The following GABRG3 variants were observed in gnomAD, a reference collection of about 807,000 sequenced individuals.
GABRG3 encodes the protein gamma-aminobutyric acid receptor subunit gamma-3.
In GABRG3, 25 loss-of-function variants were observed where a neutral mutation model predicts 48.8. The observed-to-expected ratio is 0.51, with a 90% CI of 0.37 to 0.72. The LOEUF is 0.72. GABRG3 is among the 30% of genes least tolerant of loss of function. The pLI is 0.00. For missense variants in GABRG3, 394 were observed against 577.9 expected (o/e 0.68, Z 3.26); for synonymous variants, 227 against 217.6 (o/e 1.04, Z -0.38).
chr15:27,348,154 T>TAAAAAAAAAAAAAAAA (rs1263629016), intron 5 of GABRG3, among the ~76,000 whole-genome samples: 3 of 14,060 alleles, frequency 2.1e-4, no homozygotes, highest in African/African-American at 4.6e-4. Context: ...AGACTCCATC[T>TAAAAAAAAAAAAAAAA]CAAATAAATA....
chr15:27,085,994 A>G (rs1897069621), intron 3 of GABRG3, among the ~76,000 whole-genome samples: 1 of 152,176 alleles, frequency 6.6e-6, no homozygotes, highest in Non-Finnish European at 1.5e-5. Flanking sequence ...CCAAATTTGC[A>G]TTATATATGG....
intron 3 of GABRG3, among the ~76,000 whole-genome samples, chr15:27,163,015 G>A (rs1246428112): frequency 1.3e-5 from 2 of 151,784 alleles, no homozygotes; most frequent in African/African-American, 2.4e-5. Context: ...TGGGCTGGTG[G>A]CCATCACTTT....
intron 3 of GABRG3, among the ~76,000 whole-genome samples, chr15:27,153,164 G>C (rs1288838111): frequency 6.6e-6 from 1 of 152,076 alleles, no homozygotes; most frequent in Non-Finnish European, 1.5e-5. Flanking sequence ...CCTGGCCTGA[G>C]TTAGTTTTTG....
chr15:27,326,619 T>C (rs1225946930), intron 3 of GABRG3, among the ~76,000 whole-genome samples, 190 bp from the exon 4 acceptor site: 1 of 152,226 alleles, frequency 6.6e-6, no homozygotes, highest in Admixed American at 6.5e-5. Flanking sequence ...ATAATGTTAC[T>C]ACACTGTTGA....
At chr15:27,088,394 G>C (rs1157723760) in intron 3 of GABRG3, among the ~76,000 whole-genome samples, 2 of 152,068 alleles carry the variant, frequency 1.3e-5, no homozygotes, top group Non-Finnish European at 2.9e-5. Flanking sequence ...GCAGGCGCTC[G>C]TGGGAGGCAG....
intron 5 of GABRG3, among the ~76,000 whole-genome samples, chr15:27,335,383 A>G (rs531313099): frequency 6.6e-6 from 1 of 152,198 alleles, no homozygotes; most frequent in Non-Finnish European, 1.5e-5. Context: ...TAGTCTCTTC[A>G]CATCCTCACC....
intron 3 of GABRG3, among the ~76,000 whole-genome samples, chr15:27,309,333 T>C (rs2140505645): frequency 6.6e-6 from 1 of 151,976 alleles, no homozygotes; most frequent in East Asian, 1.9e-4. Flanking sequence ...TATATATATA[T>C]ATTTACCAAT....
chr15:27,426,325 C>A (rs2140618098), intron 5 of GABRG3, among the ~76,000 whole-genome samples: 1 of 152,146 alleles, frequency 6.6e-6, no homozygotes, highest in East Asian at 1.9e-4. Context: ...TTTGCCCACA[C>A]AAAAGGGCAT....
intron 3 of GABRG3, among the ~76,000 whole-genome samples, chr15:27,322,507 A>G (rs1161845813): frequency 6.6e-6 from 1 of 152,212 alleles, no homozygotes; most frequent in Non-Finnish European, 1.5e-5. Flanking sequence ...TTCTTCTTGC[A>G]AAAGTAAGAT....
chr15:27,443,176 C>G (rs1888841318), intron 5 of GABRG3, among the ~76,000 whole-genome samples: 1 of 152,138 alleles, frequency 6.6e-6, no homozygotes, highest in Non-Finnish European at 1.5e-5. Flanking sequence ...GAGATTAGGA[C>G]ACCGATATAC....
chr15:27,216,446 A>G (rs531726043), intron 3 of GABRG3, among the ~76,000 whole-genome samples: 1 of 152,316 alleles, frequency 6.6e-6, no homozygotes, highest in South Asian at 2.1e-4. Flanking sequence ...TGGGCATTCC[A>G]CAGCTACATC....
In GABRG3 at chr15:27,137,771, A is replaced by G. The variant is rs61607969; in HGVS notation, c.270+110950A>G. Among the ~76,000 whole-genome samples the G allele has an allele frequency of 5.6e-3, 848 of 152,248 alleles. 9 individuals are homozygous for G. Among genetic ancestry groups the G allele is most frequent in the African/African-American group, 0.019 (797 of 41,542 alleles). The stretch of plus-strand genomic sequence containing the variant: ...GTGGTTTTTCGTTTCATAAAGCGAT[A>G]GATATTCTGTGGCAAATGCTCAGGT... On this transcript the variant is annotated intron_variant, in intron 3 of 9. Coordinates refer to ENST00000615808, the MANE Select transcript of GABRG3 (RefSeq NM_033223.5).
rs564965283 is a variant in GABRG3 at position 27,307,678 on chromosome 15, CAT to C, written c.271-19129_271-19128del. Among the ~76,000 whole-genome samples the C allele has an allele frequency of 5.0e-5, 6 of 119,298 alleles. No individual in the cohort carries two copies. In the South Asian group the frequency reaches 1.1e-3, roughly 22 times the overall value. 78.3% of individuals were successfully genotyped at this position (119,298 alleles called of 152,430 possible). A position where few individuals can be genotyped will look rare whatever the true frequency, so the allele number is the denominator to read the frequency against. ...ATAGGTTTATATATTTATATATAAACATAGGTTTATGTTTATATATTTATATA... is the reference window on the plus strand; with the variant it reads ...ATAGGTTTATATATTTATATATAAACAGGTTTATGTTTATATATTTATATA... On this transcript the variant is annotated intron_variant, in intron 3 of 9. Transcript: ENST00000615808.
At chr15:27,329,400 G>C (rs1213186436) in intron 5 of GABRG3, among the ~76,000 whole-genome samples, 10 of 152,070 alleles carry the variant, frequency 6.6e-5, no homozygotes, top group Non-Finnish European at 4.4e-5. Flanking sequence ...AAGTAGCTGG[G>C]ACTATGGGCA....
chr15:27,485,819 T>TA, intron 6 of GABRG3, among the ~76,000 whole-genome samples: 1 of 152,070 alleles, frequency 6.6e-6, no homozygotes, highest in South Asian at 2.1e-4. Flanking sequence ...AAAAAGCCAA[T>TA]AAAAATAATG....
chr15:27,294,162 A>C (rs6606897), intron 3 of GABRG3, among the ~76,000 whole-genome samples: 144,277 of 151,806 alleles, frequency 0.95, 68,825 homozygotes, highest in African/African-American at 0.99. Flanking sequence ...AAGTCCAGGC[A>C]AGAGCCCAGA....
chr15:27,208,901 G>A (rs1888971413), intron 3 of GABRG3, among the ~76,000 whole-genome samples: 1 of 152,162 alleles, frequency 6.6e-6, no homozygotes, highest in South Asian at 2.1e-4. Context: ...ACACTACAGA[G>A]CAACCCTGGC....
At chr15:27,524,810 GAACA>G (rs532264199) in intron 7 of GABRG3, among the ~76,000 whole-genome samples, 117 of 151,838 alleles carry the variant, frequency 7.7e-4, no homozygotes, top group African/African-American at 2.6e-3. Context: ...TATTATAAAG[GAACA>G]AACAAACAGG....
At chr15:27,297,027 G>A (rs1275013320) in intron 3 of GABRG3, among the ~76,000 whole-genome samples, 1 of 151,754 alleles carries the variant, frequency 6.6e-6, no homozygotes, top group African/African-American at 2.4e-5. Context: ...CCCTGTGTAG[G>A]CCTAGGCTAA....
Sources: gnomAD v4.1 joint callset for allele counts (sites outside exome capture counted in the v4.1 genomes callset) on GRCh38, gnomAD v4.1.1 for gene constraint, MANE v1.5 for transcripts, NCBI Gene and HGNC (gene_info 2026-07-23, HGNC 2026-07-21) for gene names.